Variants in CLTCL1 observed in about 807,000 individuals in gnomAD.
The protein encoded by CLTCL1 is clathrin heavy chain like 1, also known as clathrin heavy chain 2.
A neutral mutation model predicts 190.0 loss-of-function variants in CLTCL1; 159 were observed. The observed-to-expected ratio is 0.84, with a 90% confidence interval of 0.74 to 0.95. CLTCL1 has a LOEUF of 0.95. CLTCL1 is among the 40% of genes least tolerant of loss of function. CLTCL1 has a pLI of 0.00. For synonymous variants in CLTCL1, 752 were observed against 769.6 expected (o/e 0.98, Z 0.38); for missense variants, 1,878 against 2,033.4 (o/e 0.92, Z 1.47).
At chr22:19,256,066 AC>A (rs1555972288) in intron 2 of CLTCL1, among the ~76,000 whole-genome samples, 2 of 152,202 alleles carry the variant, frequency 1.3e-5, no homozygotes, top group Non-Finnish European at 2.9e-5. Context: ...ATGGATCAGA[AC>A]ACTTAAAATT....
chr22:19,225,424 T>C (rs807462), intron 13 of CLTCL1, 29 bp downstream of exon 13: 117,980 of 1,531,424 alleles, frequency 0.077, 4,889 homozygotes, highest in Middle Eastern at 0.13. Context: ...AGTCACATGG[T>C]GGGGTCGGCG....
At chr22:19,266,084 T>C (rs1157630185) in intron 2 of CLTCL1, among the ~76,000 whole-genome samples, 3 of 143,276 alleles carry the variant, frequency 2.1e-5, no homozygotes, top group East Asian at 4.8e-4. Context: ...AGTCTCCCTA[T>C]GTTGCCCAGG....
At chr22:19,202,301 G>A (rs1233303913) in intron 22 of CLTCL1, among the ~76,000 whole-genome samples, 6 of 151,882 alleles carry the variant, frequency 4.0e-5, no homozygotes, top group Admixed American at 6.6e-5. Context: ...CCAAAGTGCT[G>A]ATGGGTCTCT....
chr22:19,219,409 T>A (rs1259205409), intron 18 of CLTCL1, among the ~76,000 whole-genome samples: 1 of 152,022 alleles, frequency 6.6e-6, no homozygotes, highest in Non-Finnish European at 1.5e-5. Flanking sequence ...GGACTTGAAC[T>A]CCTGACCTCA....
At chr22:19,234,791 TG>T (rs1170713930) in intron 6 of CLTCL1, 85 bp from the exon 7 acceptor site, 33 of 1,195,924 alleles carry the variant, frequency 2.8e-5, no homozygotes, top group Non-Finnish European at 4.0e-5. Flanking sequence ...GATGCTGGAG[TG>T]GTAGCCACAT....
chr22:19,213,770 G>C (rs1555948170), intron 19 of CLTCL1, among the ~76,000 whole-genome samples: 1 of 151,992 alleles, frequency 6.6e-6, no homozygotes, highest in East Asian at 1.9e-4. Context: ...GTTGGGGGTT[G>C]AGGTTTGGGG....
At chr22:19,257,031 TAAAAG>T (rs1315067151) in intron 2 of CLTCL1, among the ~76,000 whole-genome samples, 1 of 152,148 alleles carries the variant, frequency 6.6e-6, no homozygotes, top group Non-Finnish European at 1.5e-5. Flanking sequence ...ACTGATTTGA[TAAAAG>T]TGCCTCAAAA....
At chr22:19,191,489 G>A in intron 26 of CLTCL1, 54 bp from the exon 27 acceptor site, 1 of 1,597,222 alleles carries the variant, frequency 6.3e-7, no homozygotes, top group Non-Finnish European at 8.5e-7. Flanking sequence ...AGATACCCCA[G>A]GGCTCCTTCC....
In CLTCL1 at chr22:19,219,893, T is replaced by C. The variant is rs782238783; in HGVS notation, c.2911A>G (p.Ile971Val). The part of the protein sequence containing the change: ...EETNPSRRQL[I>V]DQVVQTALSE... ...CCATCTCTGTGCCTCACCTGGTCAA[T>C]TAGCTGTCTCCTGGATGGGTTGGTC... The change falls in exon 18 of 33, where the codon ATT becomes GTT. Residue 971 changes from isoleucine (I) to valine (V), a missense_variant. Transcript: ENST00000427926. 2.5e-6 allele frequency: 4 copies of C among 1,613,936 alleles called. No individual in the cohort carries two copies. Among genetic ancestry groups the C allele is most frequent in the African/African-American group, 2.7e-5 (2 of 74,940 alleles).
At chr22:19,191,697 G>A (rs1291978239) in intron 26 of CLTCL1, among the ~76,000 whole-genome samples, 2 of 152,016 alleles carry the variant, frequency 1.3e-5, no homozygotes, top group Admixed American at 6.5e-5. Flanking sequence ...TCTGATGCAG[G>A]GTCCACGATC....
Position 19,242,718 on chromosome 22 carries a change from C to A in CLTCL1, c.681+57G>T, listed in dbSNP as rs555410713. ...CATGCCCAGCCACACACACGCACAC[C>A]CCTAACACCAGCTCATGACACTTTT... On this transcript the variant is annotated intron_variant, in intron 4 of 32. Coordinates refer to ENST00000427926, the MANE Select transcript of CLTCL1 (RefSeq NM_007098.4). The A allele has an allele frequency of 6.3e-4, 1,004 of 1,597,344 alleles. 20 individuals are homozygous for A. In the South Asian group the frequency reaches 0.01, roughly 17 times the overall value.
chr22:19,275,270 C>T (rs916755632), intron 2 of CLTCL1, among the ~76,000 whole-genome samples: 3 of 152,124 alleles, frequency 2.0e-5, no homozygotes, highest in Non-Finnish European at 2.9e-5. Flanking sequence ...CCTGTGTCGT[C>T]GGATGACCGG....
intron 12 of CLTCL1, among the ~76,000 whole-genome samples, chr22:19,225,860 G>T (rs1482562717): frequency 6.6e-6 from 1 of 152,214 alleles, no homozygotes; most frequent in African/African-American, 2.4e-5. Flanking sequence ...TTCCACAGAT[G>T]ATGCTAAAAC....
At chr22:19,221,293 T>C (rs1569187855) in intron 17 of CLTCL1, 84 bp downstream of exon 17, 2 of 1,047,362 alleles carry the variant, frequency 1.9e-6, no homozygotes, top group Non-Finnish European at 1.4e-6. Flanking sequence ...CAGAAAGCCC[T>C]GATCAGCTCC....
Position 19,215,016 on chromosome 22 carries a change from C to A in CLTCL1, c.3065+1095G>T, listed in dbSNP as rs12166539. On this transcript the variant is annotated intron_variant, in intron 19 of 32. Transcript: ENST00000427926. ...TGAAATCATCAATGAAAGAAGAGCA[C>A]GAACTTGAGGTTACCTGCATGTTTG... Among the ~76,000 whole-genome samples, 13 of 152,260 alleles carry A rather than the reference C, an allele frequency of 8.5e-5. No homozygotes were observed. In the South Asian group the frequency reaches 2.3e-3, roughly 27 times the overall value.
At chr22:19,190,345 C>A (rs114154874) in intron 27 of CLTCL1, among the ~76,000 whole-genome samples, 322 of 152,272 alleles carry the variant, frequency 2.1e-3, no homozygotes, top group African/African-American at 7.4e-3. Flanking sequence ...GGCCAGTCAG[C>A]GGAGCAGTCA....
chr22:19,257,944 T>G, intron 2 of CLTCL1: 1 of 954,448 alleles, frequency 1.0e-6, no homozygotes, highest in South Asian at 1.2e-5. Flanking sequence ...CTCAGATCTT[T>G]GCAAATTCTG....
chr22:19,233,617 G>C lies in CLTCL1; in HGVS notation c.1173C>G (p.Ile391Met). 1 of 1,612,976 alleles carries C rather than the reference G, an allele frequency of 6.2e-7. No homozygotes were observed. Among genetic ancestry groups the C allele is most frequent in the South Asian group, 1.1e-5 (1 of 91,004 alleles). ...TCTGGACCGTCTCTCTGGTACGCAG[G>C]ATTCCCTAATAATAAATGGAAAAAT... Reference protein sequence around the residue: ...AKVAASAPKGILRTRETVQKF... With the variant: ...AKVAASAPKGMLRTRETVQKF... Residue 391 changes from isoleucine to methionine, a missense_variant, in exon 8 of 33, where the codon ATC becomes ATG. Coordinates refer to ENST00000427926, the MANE Select transcript of CLTCL1 (RefSeq NM_007098.4).
intron 1 of CLTCL1, among the ~76,000 whole-genome samples, chr22:19,284,398 C>T (rs562937942): frequency 2.0e-5 from 3 of 152,216 alleles, no homozygotes; most frequent in East Asian, 1.9e-4. Flanking sequence ...TGGCTGCTCA[C>T]GCCTGTAATA....
Sources: allele counts gnomAD v4.1 joint callset (sites outside exome capture counted in the v4.1 genomes callset), GRCh38; gene constraint gnomAD v4.1.1; transcripts MANE v1.5; gene names NCBI Gene and HGNC (gene_info 2026-07-23, HGNC 2026-07-21).